The following ANKRD55 variants were observed in gnomAD, a reference collection of about 807,000 sequenced individuals.
The protein encoded by ANKRD55 is ankyrin repeat domain 55.
Under a neutral mutation model 60.6 loss-of-function variants are expected in ANKRD55, and 41 were observed. That is an observed-to-expected ratio of 0.68 (90% confidence interval 0.53 to 0.88). ANKRD55 has a LOEUF of 0.88. Ranked by LOEUF, ANKRD55 falls within the 40% of genes least tolerant of loss-of-function variation. The pLI is 0.00. For missense variants in ANKRD55, 732 were observed against 767.6 expected (o/e 0.95, Z 0.55); for synonymous variants, 264 against 290.3 (o/e 0.91, Z 0.92).
At chr5:56,219,454 G>A (rs921940218) in intron 2 of ANKRD55, among the ~76,000 whole-genome samples, 1 of 152,082 alleles carries the variant, frequency 6.6e-6, no homozygotes, top group Admixed American at 6.5e-5. Context: ...GCTCATTAAT[G>A]AGCAAGTGCC....
At chr5:56,130,848 C>T (rs144013433) in intron 7 of ANKRD55, among the ~76,000 whole-genome samples, 270 of 152,150 alleles carry the variant, frequency 1.8e-3, no homozygotes, top group Admixed American at 3.3e-3. Flanking sequence ...ATGAAGAATG[C>T]CTTTGATGAG....
At chr5:56,128,174 T>C (rs888382492) in intron 7 of ANKRD55, among the ~76,000 whole-genome samples, 1 of 151,970 alleles carries the variant, frequency 6.6e-6, no homozygotes, top group Non-Finnish European at 1.5e-5. Flanking sequence ...GCAAAAAGAG[T>C]GTCAGCACAA....
chr5:56,135,098 C>T (rs1757523101), intron 7 of ANKRD55, among the ~76,000 whole-genome samples: 1 of 152,050 alleles, frequency 6.6e-6, no homozygotes. Flanking sequence ...GAAGAACTTC[C>T]TAAACTTGGT....
chr5:56,206,157 A>G (rs955314218), intron 2 of ANKRD55, among the ~76,000 whole-genome samples: 1 of 151,012 alleles, frequency 6.6e-6, no homozygotes, highest in Non-Finnish European at 1.5e-5. Context: ...TTGTATTTTT[A>G]GTAGACATGG....
chr5:56,125,124 A>G (rs551814068), intron 8 of ANKRD55, among the ~76,000 whole-genome samples: 26 of 152,302 alleles, frequency 1.7e-4, no homozygotes, highest in African/African-American at 6.3e-4. Flanking sequence ...AGTGTTTTGA[A>G]GTAGATGAAC....
At chr5:56,204,681 C>T (rs1160885817) in intron 2 of ANKRD55, among the ~76,000 whole-genome samples, 1 of 152,134 alleles carries the variant, frequency 6.6e-6, no homozygotes, top group African/African-American at 2.4e-5. Flanking sequence ...TTATAAATTA[C>T]CCAGTCTTGG....
At chr5:56,221,424 C>G (rs751339480) in intron 2 of ANKRD55, among the ~76,000 whole-genome samples, 7 of 152,158 alleles carry the variant, frequency 4.6e-5, no homozygotes, top group Non-Finnish European at 1.0e-4. Context: ...GTGAGTGACG[C>G]AAAAGACAGG....
intron 7 of ANKRD55, chr5:56,127,688 T>C (rs1456086694): frequency 1.9e-5 from 9 of 483,478 alleles, no homozygotes; most frequent in Non-Finnish European, 2.2e-5. Context: ...CAGACTTCGT[T>C]TACAAAAACA....
intron 7 of ANKRD55, among the ~76,000 whole-genome samples, chr5:56,140,380 C>T (rs1174173607): frequency 6.6e-6 from 1 of 152,160 alleles, no homozygotes; most frequent in Admixed American, 6.5e-5. Flanking sequence ...TTCTCCAGAG[C>T]CGGGGTTCTT....
chr5:56,221,458 G>A (rs1759964079), intron 2 of ANKRD55, among the ~76,000 whole-genome samples: 2 of 152,180 alleles, frequency 1.3e-5, no homozygotes, highest in Admixed American at 1.3e-4. Context: ...TCCAACTGAG[G>A]TACCAGGTTC....
chr5:56,111,799 G>A lies in ANKRD55; in HGVS notation c.966-17C>T. ...GGCTCTGTTCTATGCGAATATAAAA[G>A]AGCAGGGATGATATGTGAGTATGGG... is the stretch of plus-strand genomic sequence containing the variant. On this transcript the variant is annotated splice_polypyrimidine_tract_variant and intron_variant, in intron 9 of 11. Coordinates refer to ENST00000341048, the MANE Select transcript of ANKRD55 (RefSeq NM_024669.3). 3 of 1,477,768 alleles carry A rather than the reference G, an allele frequency of 2.0e-6. No homozygotes were observed. Among genetic ancestry groups the A allele is most frequent in the Non-Finnish European group, 2.7e-6 (3 of 1,118,008 alleles). 91.5% of individuals were successfully genotyped at this position (1,477,768 alleles called of 1,614,324 possible). A position where few individuals can be genotyped will look rare whatever the true frequency, so the allele number is the denominator to read the frequency against.
intron 2 of ANKRD55, among the ~76,000 whole-genome samples, chr5:56,215,213 C>T (rs1184081556): frequency 6.6e-6 from 1 of 152,150 alleles, no homozygotes; most frequent in Non-Finnish European, 1.5e-5. Context: ...AAATAACAAC[C>T]CATCTTCAGA....
At chr5:56,223,203 A>C (rs1242302449) in intron 2 of ANKRD55, among the ~76,000 whole-genome samples, 1 of 152,248 alleles carries the variant, frequency 6.6e-6, no homozygotes, top group African/African-American at 2.4e-5. Flanking sequence ...AATATTCAAC[A>C]TTCTTAAAGA....
chr5:56,202,727 C>A (rs1759408551), intron 2 of ANKRD55, among the ~76,000 whole-genome samples: 1 of 152,176 alleles, frequency 6.6e-6, no homozygotes, highest in Non-Finnish European at 1.5e-5. Context: ...TATCTGACTG[C>A]AATCAGATCT....
chr5:56,165,848 G>A (rs1444128563), intron 5 of ANKRD55, among the ~76,000 whole-genome samples: 1 of 152,140 alleles, frequency 6.6e-6, no homozygotes, highest in South Asian at 2.1e-4. Context: ...AGAATTGCTT[G>A]AACCCAGGAG....
At chr5:56,159,155 A>G (rs1758263011) in intron 6 of ANKRD55, among the ~76,000 whole-genome samples, 1 of 152,134 alleles carries the variant, frequency 6.6e-6, no homozygotes, top group Non-Finnish European at 1.5e-5. Flanking sequence ...CCTCTCTGCC[A>G]TCTTACACGA....
chr5:56,199,759 CGG>C (rs1759319270), intron 2 of ANKRD55, among the ~76,000 whole-genome samples: 1 of 151,584 alleles, frequency 6.6e-6, no homozygotes, highest in Non-Finnish European at 1.5e-5. Flanking sequence ...GGCGTGGTGG[CGG>C]GCGCCTGTAG....
chr5:56,183,681 C>G (rs552398601), intron 2 of ANKRD55, 47 bp from the exon 3 acceptor site: 39 of 1,601,512 alleles, frequency 2.4e-5, no homozygotes, highest in Admixed American at 2.1e-4. Flanking sequence ...AGCCAGTTCA[C>G]TGAAAGAATA....
chr5:56,204,092 C>A (rs978007077), intron 2 of ANKRD55, among the ~76,000 whole-genome samples: 1 of 152,114 alleles, frequency 6.6e-6, no homozygotes, highest in African/African-American at 2.4e-5. Flanking sequence ...TGATGATGAG[C>A]ATTTTTTCAT....
Sources: gnomAD v4.1 joint callset for allele counts (sites outside exome capture counted in the v4.1 genomes callset) on GRCh38, gnomAD v4.1.1 for gene constraint, MANE v1.5 for transcripts, NCBI Gene and HGNC (gene_info 2026-07-23, HGNC 2026-07-21) for gene names.